Variants in PHRF1 observed in about 807,000 individuals in gnomAD.
The protein encoded by PHRF1 is PHD and RING finger domain-containing protein 1.
In PHRF1, 53 loss-of-function variants were observed where a neutral mutation model predicts 128.9. That is an observed-to-expected ratio of 0.41 (90% CI 0.33 to 0.52). PHRF1 has a LOEUF of 0.52. Ranked by LOEUF, PHRF1 falls within the 20% of genes least tolerant of loss-of-function variation. The pLI is 0.21. For missense variants in PHRF1, 2,503 were observed against 2,284.5 expected (o/e 1.10, Z -1.95); for synonymous variants, 1,178 against 980.6 (o/e 1.20, Z -3.76).
intron 4 of PHRF1, among the ~76,000 whole-genome samples, chr11:590,597 T>C (rs1166536892): frequency 6.6e-6 from 1 of 152,242 alleles, no homozygotes; most frequent in East Asian, 1.9e-4. Flanking sequence ...TTCTTGTGTA[T>C]GGTGTACCTT....
At chr11:601,836 C>G in intron 10 of PHRF1, 135 bp downstream of exon 10, 1 of 1,169,850 alleles carries the variant, frequency 8.5e-7, no homozygotes, top group African/African-American at 1.6e-5. Context: ...ATCGTCTTTG[C>G]TTTTCTGTAT....
At position 581,974 on chromosome 11, in the gene PHRF1, T is replaced by C; in HGVS notation, c.107T>C (p.Val36Ala). ...CCCTGGTGTCTAGAAGAAAGCAGCG[T>C]GGGCAGCAGTGGGGACTCTGGGGAC... ...DPAGDFEESS[V>A]GSSGDSGDDS... The change falls in exon 3 of 18, where the codon GTG becomes GCG. Residue 36 changes from valine to alanine, a missense_variant. Coordinates refer to ENST00000264555, the MANE Select transcript of PHRF1 (RefSeq NM_001286581.2). The C allele has an allele frequency of 6.2e-7, 1 of 1,601,974 alleles. No individual in the cohort carries two copies.
In PHRF1 at chr11:608,984, G is replaced by A. The variant is rs185803201; in HGVS notation, c.3528G>A (p.Arg1176=). 269 of 1,607,068 alleles carry A rather than the reference G, an allele frequency of 1.7e-4. No individual in the cohort carries two copies. The highest frequency in any genetic ancestry group is 2.2e-4 in the Non-Finnish European group (264 of 1,177,636). Residue 1176 remains arginine (R), a synonymous_variant, in exon 14 of 18, where the codon AGG becomes AGA. Transcript: ENST00000264555. Reference sequence around the variant, plus strand: ...CGGAGCACAGGGCACGGGAGCACAGGCGGCCTCGGTCCCGTGAGAAGTGGC... The same window carrying A: ...CGGAGCACAGGGCACGGGAGCACAGACGGCCTCGGTCCCGTGAGAAGTGGC... The part of the protein sequence containing the change: ...PSSEHRAREH[R]RPRSREKWPQ...
In PHRF1 at chr11:605,454, C is replaced by T. The variant is rs369136949; in HGVS notation, c.1335-151C>T. On this transcript the variant is annotated intron_variant, in intron 11 of 17. Coordinates refer to ENST00000264555, the MANE Select transcript of PHRF1 (RefSeq NM_001286581.2). ...ACCGCCATACGGTGCAGGTGGGTGGCGTGGAACTCAGAGGTCTGGTTCGGG... is the reference window on the plus strand; with the variant it reads ...ACCGCCATACGGTGCAGGTGGGTGGTGTGGAACTCAGAGGTCTGGTTCGGG... 1.4e-4 allele frequency: 202 copies of T among 1,456,492 alleles called. 1 individual carries two copies. In the East Asian group the frequency reaches 2.6e-3, roughly 19 times the overall value. 90.2% of individuals were successfully genotyped at this position (1,456,492 alleles called of 1,614,324 possible).
In PHRF1 at chr11:576,496, C is replaced by G. The variant is rs1444122297; in HGVS notation, c.-118C>G. ...CACTTCCGGGTCGAAGAGCGCACGG[C>G]GGCGGCAGAGGCGGCGGCGGCCGGG... On this transcript the variant is annotated 5_prime_UTR_variant, in exon 1 of 18. Transcript: ENST00000264555. The G allele has an allele frequency of 6.5e-6, 1 of 153,130 alleles. No individual in the cohort carries two copies. Among genetic ancestry groups the G allele is most frequent in the Non-Finnish European group, 1.5e-5 (1 of 68,546 alleles). 9.5% of individuals were successfully genotyped at this position (153,130 alleles called of 1,614,324 possible).
At chr11:595,302 AAAAAC>A (rs1490703405) in intron 6 of PHRF1, among the ~76,000 whole-genome samples, 2 of 152,164 alleles carry the variant, frequency 1.3e-5, no homozygotes, top group African/African-American at 4.8e-5. Flanking sequence ...CAGAGAGACT[AAAAAC>A]AAAAAACAAA....
In PHRF1 at chr11:609,606, C is replaced by T. The variant is rs766847732; in HGVS notation, c.4150C>T (p.Pro1384Ser). 6.3e-7 allele frequency: 1 copy of T among 1,590,900 alleles called. No homozygotes were observed. Among genetic ancestry groups the T allele is most frequent in the South Asian group, 1.1e-5 (1 of 87,764 alleles). The change falls in exon 14 of 18, where the codon CCT (proline) becomes TCT (serine). Residue 1384 changes from proline to serine, a missense_variant. Transcript: ENST00000264555. ...ASGRVQEAARPEEVVSQTPLL... is the reference protein window; with the variant it reads ...ASGRVQEAARSEEVVSQTPLL... ...TGGGAGGGTACAGGAGGCAGCCCGG[C>T]CTGAGGAGGTGGTTTCGCAGACCCC...
rs1464835163 is a variant in PHRF1 at position 610,756 on chromosome 11, G to A, written c.4672G>A (p.Glu1558Lys). 2 of 1,600,924 alleles carry A rather than the reference G, an allele frequency of 1.2e-6. No homozygotes were observed. Among genetic ancestry groups the A allele is most frequent in the South Asian group, 1.1e-5 (1 of 91,068 alleles). Residue 1558 changes from glutamate (E) to lysine (K), a missense_variant, in exon 16 of 18, where the codon GAG becomes AAG. Physicochemically the swap from Glu to Lys is moderately conservative, Grantham distance 56 (BLOSUM62 1). Coordinates refer to ENST00000264555, the MANE Select transcript of PHRF1 (RefSeq NM_001286581.2). ...PRLAAEKTKK[E>K]EYMKKLHMQE... ...GCTAGCTGCGGAGAAAACCAAGAAG[G>A]AGGAGGTGAGTCCTGCCTCCTCCCA...
chr11:595,299 A>G (rs1489794590), intron 6 of PHRF1, among the ~76,000 whole-genome samples: 2 of 152,188 alleles, frequency 1.3e-5, no homozygotes, highest in Non-Finnish European at 1.5e-5. Flanking sequence ...CTCCAGAGAG[A>G]CTAAAAACAA....
intron 1 of PHRF1, among the ~76,000 whole-genome samples, chr11:580,579 A>G (rs927987533): frequency 3.3e-5 from 5 of 152,154 alleles, no homozygotes; most frequent in Admixed American, 3.3e-4. Flanking sequence ...TGGCAGGGAG[A>G]GCACCCTACG....
rs371243661 is a variant in PHRF1 at position 610,546 on chromosome 11, A to G, written c.4462A>G (p.Ile1488Val). 6.7e-5 allele frequency: 108 copies of G among 1,605,888 alleles called. No individual in the cohort carries two copies. The highest frequency in any genetic ancestry group is 8.5e-5 in the Non-Finnish European group (100 of 1,179,650). Residue 1488 changes from isoleucine (I) to valine (V), a missense_variant, in exon 16 of 18, where the codon ATC (isoleucine) becomes GTC (valine). By Grantham distance (29) the Ile-to-Val change is conservative. Transcript: ENST00000264555. ...LPPAPAQPSS[I>V]PPCALVSQPT... ...GCCTGCCCCGGCCCAGCCCTCAAGCATCCCACCCTGCGCACTGGTCAGCCA... is the reference window on the plus strand; with the variant it reads ...GCCTGCCCCGGCCCAGCCCTCAAGCGTCCCACCCTGCGCACTGGTCAGCCA...
At chr11:594,831 T>C (rs1288044202) in intron 6 of PHRF1, among the ~76,000 whole-genome samples, 1 of 152,354 alleles carries the variant, frequency 6.6e-6, no homozygotes, top group South Asian at 2.1e-4. Flanking sequence ...TATTATAAAT[T>C]ACATTTACAA....
At chr11:587,056 G>C (rs985451929) in intron 3 of PHRF1, among the ~76,000 whole-genome samples, 2 of 152,190 alleles carry the variant, frequency 1.3e-5, no homozygotes, top group African/African-American at 4.8e-5. Context: ...GGCACCCGAG[G>C]CTTCAGGTTA....
At position 607,670 on chromosome 11, in the gene PHRF1, C is replaced by G; in HGVS notation, c.2214C>G (p.Pro738=). ...AGAGCGAGGCCAGCAGCAGGGTGCCCCGGGAGCCCGGGGTGCACACGGGCA... is the reference window on the plus strand; with the variant it reads ...AGAGCGAGGCCAGCAGCAGGGTGCCGCGGGAGCCCGGGGTGCACACGGGCA... ...RAESEASSRV[P]REPGVHTGSS... The change falls in exon 14 of 18, where the codon CCC becomes CCG. Residue 738 remains proline (P), a synonymous_variant. Transcript: ENST00000264555. The G allele has an allele frequency of 1.2e-6, 2 of 1,610,154 alleles. No homozygotes were observed. Among genetic ancestry groups the G allele is most frequent in the Non-Finnish European group, 8.5e-7 (1 of 1,178,284 alleles).
rs1235819860 is a variant in PHRF1, at chr11:610,571, A to G, written c.4487A>G (p.Gln1496Arg). 1 of 1,606,276 alleles carries G rather than the reference A, an allele frequency of 6.2e-7. No homozygotes were observed. Among genetic ancestry groups the G allele is most frequent in the East Asian group, 2.2e-5 (1 of 44,880 alleles). Residue 1496 changes from glutamine (Q) to arginine (R), a missense_variant, in exon 16 of 18, where the codon CAG (glutamine) becomes CGG (arginine). Coordinates refer to ENST00000264555, the MANE Select transcript of PHRF1 (RefSeq NM_001286581.2). ...SSIPPCALVS[Q>R]PTVQFILQGS... ...ATCCCACCCTGCGCACTGGTCAGCC[A>G]GCCCACGGTCCAGTTCATCCTTCAG...
At position 582,022 on chromosome 11, in the gene PHRF1, A is replaced by T. The variant is rs1429027269; in HGVS notation, c.155A>T (p.Asp52Val). ...GACGACAGTGACAGCGAGCATGGAG[A>T]TGGCACAGACGGAGAAGACGAGGGG... ...SGDDSDSEHG[D>V]GTDGEDEGAS... The change falls in exon 3 of 18, where the codon GAT (aspartate) becomes GTT (valine). Residue 52 changes from aspartate (D) to valine (V), a missense_variant. Asp to Val is a radical substitution (Grantham distance 152). Transcript: ENST00000264555. 5 of 1,608,542 alleles carry T rather than the reference A, an allele frequency of 3.1e-6. No individual in the cohort carries two copies. In the South Asian group the frequency reaches 5.6e-5, roughly 18 times the overall value.
chr11:592,767 C>G (rs1049043986), intron 6 of PHRF1, 93 bp downstream of exon 6: 18 of 1,385,128 alleles, frequency 1.3e-5, no homozygotes, highest in African/African-American at 4.3e-5. Flanking sequence ...TCTGTGAAGT[C>G]TGAGTCCCAG....
intron 17 of PHRF1, 129 bp from the exon 18 acceptor site, chr11:611,505 C>G: frequency 7.4e-7 from 1 of 1,342,968 alleles, no homozygotes; most frequent in Non-Finnish European, 1.0e-6. Context: ...CTGCCGCCGT[C>G]TGTCTGCGTG....
At chr11:596,156 C>T (rs904069761) in intron 6 of PHRF1, among the ~76,000 whole-genome samples, 1 of 152,210 alleles carries the variant, frequency 6.6e-6, no homozygotes, top group Non-Finnish European at 1.5e-5. Flanking sequence ...ATCAGCTTGA[C>T]TCCCTTCCCT....
Sources: gnomAD v4.1 joint callset for allele counts (sites outside exome capture counted in the v4.1 genomes callset) on GRCh38, gnomAD v4.1.1 for gene constraint, MANE v1.5 for transcripts, NCBI Gene and HGNC (gene_info 2026-07-23, HGNC 2026-07-21) for gene names.